The following TBC1D26 variants were observed in gnomAD, a reference collection of about 807,000 sequenced individuals.
TBC1D26 encodes the protein TBC1 domain family, member 26.
A neutral mutation model predicts 42.5 loss-of-function variants in TBC1D26; 19 were observed. The ratio of observed to expected loss-of-function variants is 0.45; its 90% confidence interval spans 0.31 to 0.66. The LOEUF is 0.66. TBC1D26 is among the 30% of genes least tolerant of loss of function. The pLI is 0.06. For missense variants in TBC1D26, 228 were observed against 332.6 expected (o/e 0.69, Z 2.45); for synonymous variants, 97 against 123.5 (o/e 0.79, Z 1.42).
intron 9 of TBC1D26, chr17:15,740,372 C>G: frequency 2.0e-6 from 3 of 1,463,434 alleles, no homozygotes; most frequent in Non-Finnish European, 2.7e-6. Context: ...CCTTCCCCTC[C>G]TGGTGTTGCC....
At chr17:15,739,410 T>G (rs1967710722) in intron 8 of TBC1D26, among the ~76,000 whole-genome samples, 1 of 152,284 alleles carries the variant, frequency 6.6e-6, no homozygotes, top group East Asian at 1.9e-4. Flanking sequence ...CTTGATTGAT[T>G]GTAACTCACA....
intron 10 of TBC1D26, 32 bp from the exon 11 acceptor site, chr17:15,741,910 T>C (rs765715917): frequency 6.2e-7 from 1 of 1,608,434 alleles, no homozygotes; most frequent in East Asian, 2.2e-5. Flanking sequence ...GGGCGTGGGG[T>C]CTGATGGGGT....
At chr17:15,733,038 G>A (rs1475551738) in intron 1 of TBC1D26, among the ~76,000 whole-genome samples, 1 of 151,158 alleles carries the variant, frequency 6.6e-6, no homozygotes, top group Non-Finnish European at 1.5e-5. Flanking sequence ...ACTGGTCAGC[G>A]AGGACATGGT....
rs1487981875 is a variant in TBC1D26, at chr17:15,736,856, G to A, written c.159-628G>A. ...TCACTCAGAGGTTCTGAAAGGACAA[G>A]GGTCACAGAAGGGCCAGGGTGGCCG... On this transcript the variant is annotated intron_variant, in intron 4 of 14. Coordinates refer to ENST00000437605, the MANE Select transcript of TBC1D26 (RefSeq NM_001388465.1). Among the ~76,000 whole-genome samples the A allele has an allele frequency of 2.6e-4, 39 of 152,376 alleles. No individual in the cohort carries two copies. The South Asian group carries it at 7.5e-3, about 29-fold the overall frequency.
chr17:15,733,360 G>T (rs1447497328), intron 1 of TBC1D26, among the ~76,000 whole-genome samples: 1 of 152,254 alleles, frequency 6.6e-6, no homozygotes, highest in South Asian at 2.1e-4. Flanking sequence ...CTACTGGGAG[G>T]AGGAGGTGAA....
chr17:15,732,869 G>A (rs1462642050), intron 1 of TBC1D26, among the ~76,000 whole-genome samples: 1 of 152,178 alleles, frequency 6.6e-6, no homozygotes, highest in Admixed American at 6.5e-5. Context: ...GAGGGTCTCC[G>A]TGGGACCCAG....
At chr17:15,737,203 C>T (rs1352291522) in intron 4 of TBC1D26, among the ~76,000 whole-genome samples, 1 of 152,134 alleles carries the variant, frequency 6.6e-6, no homozygotes, top group Admixed American at 6.5e-5. Context: ...GTGTCACCTC[C>T]AGCCCAGGTG....
At chr17:15,743,273 A>G in intron 13 of TBC1D26, 94 bp from the exon 14 acceptor site, 1 of 653,720 alleles carries the variant, frequency 1.5e-6, no homozygotes. Context: ...AGGACCAGAC[A>G]CCACCCAGTG....
At chr17:15,736,763 C>CT (rs1216803760) in intron 4 of TBC1D26, among the ~76,000 whole-genome samples, 1 of 152,282 alleles carries the variant, frequency 6.6e-6, no homozygotes. Context: ...CTGGGTGTCT[C>CT]CCCAGCAGTG....
chr17:15,744,008 G>T (rs534703094), intron 14 of TBC1D26, among the ~76,000 whole-genome samples: 2 of 152,012 alleles, frequency 1.3e-5, no homozygotes, highest in African/African-American at 4.8e-5. Context: ...ATCTAAAAAA[G>T]TAGGGGGCTG....
chr17:15,735,203 A>G (rs1967577615), intron 2 of TBC1D26, 133 bp downstream of exon 2: 3 of 942,010 alleles, frequency 3.2e-6, no homozygotes, highest in African/African-American at 3.2e-5. Flanking sequence ...GGGTGGGACC[A>G]CTGAGTCTGG....
chr17:15,741,022 T>C lies in TBC1D26; in HGVS notation c.547-100T>C, dbSNP rs113522482. ...CAAATCCCCTGGGGCCTGAGGCAGG[T>C]GTCCCCAAAGACCTGTGCCACCTCT... On this transcript the variant is annotated intron_variant, in intron 9 of 14. Coordinates refer to ENST00000437605, the MANE Select transcript of TBC1D26 (RefSeq NM_001388465.1). 46 of 1,496,562 alleles carry C rather than the reference T, an allele frequency of 3.1e-5. No individual in the cohort carries two copies. In the African/African-American group the frequency reaches 3.4e-4, roughly 11 times the overall value. 92.7% of individuals were successfully genotyped at this position (1,496,562 alleles called of 1,614,324 possible). A position where few individuals can be genotyped will look rare whatever the true frequency, so the allele number is the denominator to read the frequency against.
chr17:15,734,805 A>C (rs1967566504), intron 1 of TBC1D26, 125 bp from the exon 2 acceptor site: 1 of 179,248 alleles, frequency 5.6e-6, no homozygotes, highest in Non-Finnish European at 1.2e-5. Context: ...CTCTGGAGTC[A>C]ATAGATCATC....
At chr17:15,740,871 C>G in intron 9 of TBC1D26, 1 of 640,678 alleles carries the variant, frequency 1.6e-6, no homozygotes, top group Non-Finnish European at 2.5e-6. Flanking sequence ...TGACTGTGCC[C>G]TTTCGGGCCA....
chr17:15,737,181 C>T (rs1441817434), intron 4 of TBC1D26, among the ~76,000 whole-genome samples: 2 of 152,056 alleles, frequency 1.3e-5, no homozygotes, highest in Non-Finnish European at 2.9e-5. Context: ...ACTTTCTTAG[C>T]GTCCACAGAG....
At chr17:15,742,057 G>A (rs1411537874) in intron 11 of TBC1D26, 21 bp downstream of exon 11, 2 of 1,607,814 alleles carry the variant, frequency 1.2e-6, no homozygotes, top group African/African-American at 2.7e-5. Context: ...GACACCCTCA[G>A]CTCCTAACCA....
rs371592490 is a variant in TBC1D26, at chr17:15,738,352, G to C, written c.352G>C (p.Asp118His). 15 of 1,613,692 alleles carry C rather than the reference G, an allele frequency of 9.3e-6. No individual in the cohort carries two copies. The highest frequency in any genetic ancestry group is 1.3e-5 in the African/African-American group (1 of 75,028). The change falls in exon 7 of 15, where the codon GAC becomes CAC. Residue 118 changes from aspartate to histidine, a missense_variant. Around this residue, in one of 5 missense-constraint regions of TBC1D26, gnomAD observed 72 missense variants for 90.1 expected, o/e 0.80. Transcript: ENST00000437605. The stretch of plus-strand genomic sequence containing the variant: ...GGCGTGGTCACTTTTGCTAGATATT[G>C]ACAGAATCAAGTCCCAGAACCCAGG... Reference protein sequence around the residue: ...GRAWSLLLDIDRIKSQNPGKY... With the variant: ...GRAWSLLLDIHRIKSQNPGKY...
At chr17:15,733,430 C>T (rs1967530498) in intron 1 of TBC1D26, among the ~76,000 whole-genome samples, 1 of 152,154 alleles carries the variant, frequency 6.6e-6, no homozygotes, top group South Asian at 2.1e-4. Flanking sequence ...TAGCTGAGTT[C>T]CCCCTAATGA....
At chr17:15,742,103 G>A in intron 11 of TBC1D26, 67 bp downstream of exon 11, 1 of 1,379,808 alleles carries the variant, frequency 7.2e-7, no homozygotes, top group Non-Finnish European at 1.0e-6. Context: ...GGAGGCTCAA[G>A]TCCCTCATGG....
Sources: allele counts gnomAD v4.1 joint callset (sites outside exome capture counted in the v4.1 genomes callset), GRCh38; gene constraint gnomAD v4.1.1; regional missense constraint gnomAD v4.1.1; transcripts MANE v1.5; gene names NCBI Gene and HGNC (gene_info 2026-07-23, HGNC 2026-07-21).